The following AZIN1 variants were observed in gnomAD, a reference collection of about 807,000 sequenced individuals.
AZIN1 encodes the protein antizyme inhibitor 1.
A neutral mutation model predicts 47.4 loss-of-function variants in AZIN1; 12 were observed. The ratio of observed to expected loss-of-function variants is 0.25; its 90% CI spans 0.16 to 0.41. The LOEUF (loss-of-function observed/expected upper bound fraction) is 0.41. Ranked by LOEUF, AZIN1 falls within the 10% of genes least tolerant of loss-of-function variation. AZIN1 has a pLI of 1.00. For synonymous variants in AZIN1, 155 were observed against 176.3 expected, an observed-to-expected ratio of 0.88 and a Z score of 0.96; for missense variants, 410 against 532.4, an observed-to-expected ratio of 0.77 and a Z score of 2.26.
chr8:102,843,984 A>G lies in AZIN1; in HGVS notation c.-95-237T>C, dbSNP rs181381657. On this transcript the variant is annotated intron_variant, in intron 2 of 11. Transcript: ENST00000337198. ...AAGGGGTAACTCACATATATACACA[A>G]TGTATTACAAGCCTATATGGTCACC... Among the ~76,000 whole-genome samples the G allele has an allele frequency of 3.6e-3, 555 of 152,332 alleles. 4 individuals carry two copies. Among genetic ancestry groups the G allele is most frequent in the Non-Finnish European group, 6.4e-3 (438 of 68,022 alleles).
At chr8:102,832,859 C>G (rs1811550497) in intron 9 of AZIN1, among the ~76,000 whole-genome samples, 197 bp downstream of exon 9, 1 of 152,072 alleles carries the variant, frequency 6.6e-6, no homozygotes, top group South Asian at 2.1e-4. Context: ...CCAGGCTGGT[C>G]TCGAACTCCT....
intron 9 of AZIN1, among the ~76,000 whole-genome samples, chr8:102,831,381 T>TTTG (rs1349387390): frequency 6.6e-6 from 1 of 151,720 alleles, no homozygotes; most frequent in Non-Finnish European, 1.5e-5. Flanking sequence ...AAACAGGTAG[T>TTTG]TTACAGAGTC....
At chr8:102,863,433 C>T (rs1813880742) in intron 1 of AZIN1, among the ~76,000 whole-genome samples, 1 of 151,794 alleles carries the variant, frequency 6.6e-6, no homozygotes, top group Non-Finnish European at 1.5e-5. Context: ...GGCCCCCTCC[C>T]CGGAAACAGC....
intron 6 of AZIN1, 78 bp downstream of exon 6, chr8:102,836,178 G>T: frequency 7.0e-7 from 1 of 1,432,316 alleles, no homozygotes; most frequent in Non-Finnish European, 9.6e-7. Context: ...TGCAAATAAA[G>T]TCTTAAATCA....
intron 2 of AZIN1, among the ~76,000 whole-genome samples, chr8:102,851,534 T>C (rs1368317878): frequency 6.6e-6 from 1 of 152,042 alleles, no homozygotes; most frequent in East Asian, 1.9e-4. Context: ...GGTGAAACCC[T>C]GTCTCTACTA....
intron 6 of AZIN1, chr8:102,835,197 A>G (rs1811742152): frequency 6.3e-6 from 1 of 158,114 alleles, no homozygotes; most frequent in African/African-American, 2.4e-5. Flanking sequence ...AAGCTGAGTA[A>G]CAGCATTACT....
intron 2 of AZIN1, among the ~76,000 whole-genome samples, chr8:102,845,734 A>T (rs1397867830): frequency 7.2e-5 from 11 of 152,308 alleles, no homozygotes; most frequent in Admixed American, 5.9e-4. Context: ...TTGGCATAGC[A>T]GCCAGTTTTC....
chr8:102,848,097 A>G (rs1432508103), intron 2 of AZIN1, among the ~76,000 whole-genome samples: 1 of 152,186 alleles, frequency 6.6e-6, no homozygotes, highest in Non-Finnish European at 1.5e-5. Context: ...AGTATTCAGT[A>G]CAGTAACTCG....
chr8:102,834,935 G>A, intron 6 of AZIN1, 188 bp from the exon 7 acceptor site: 8 of 516,948 alleles, frequency 1.5e-5, no homozygotes, highest in South Asian at 2.9e-5. Context: ...TTATAGAAAA[G>A]GCAATGCCAA....
intron 5 of AZIN1, 35 bp downstream of exon 5, chr8:102,838,708 TA>T: frequency 6.4e-7 from 1 of 1,563,036 alleles, no homozygotes; most frequent in Non-Finnish European, 8.7e-7. Context: ...CTCTAAGTGC[TA>T]AATAATATTT....
chr8:102,857,908 TA>T (rs1320739642), intron 2 of AZIN1, 104 bp downstream of exon 2: 1 of 397,144 alleles, frequency 2.5e-6, no homozygotes, highest in Non-Finnish European at 4.4e-6. Context: ...CACTGCACTT[TA>T]AGAGGTAAAT....
In AZIN1 at chr8:102,834,680, C is replaced by A. The variant is rs1409667686; in HGVS notation, c.652G>T (p.Val218Leu). The A allele has an allele frequency of 6.2e-7, 1 of 1,607,918 alleles. No individual in the cohort carries two copies. ...AAAGAACTTACAGCCATGTCAAACA[C>A]ACATCGAGCATCAGATAGAGCATGT... ...YVHALSDARC[V>L]FDMAGEIGFT... Residue 218 changes from valine to leucine, a missense_variant, in exon 7 of 12, where the codon GTG becomes TTG. Physicochemically the swap from Val to Leu is conservative, Grantham distance 32 (BLOSUM62 1). This residue lies in a region of AZIN1 where 237 missense variants were observed against 309.4 expected (regional missense o/e 0.77). Coordinates refer to ENST00000337198, the MANE Select transcript of AZIN1 (RefSeq NM_148174.4).
intron 11 of AZIN1, 50 bp from the exon 12 acceptor site, chr8:102,828,728 C>G: frequency 8.8e-7 from 1 of 1,140,876 alleles, no homozygotes; most frequent in Non-Finnish European, 1.3e-6. Context: ...CCAAAGACCA[C>G]GTAATCACAT....
At chr8:102,848,825 A>G (rs1812746429) in intron 2 of AZIN1, among the ~76,000 whole-genome samples, 1 of 152,242 alleles carries the variant, frequency 6.6e-6, no homozygotes, top group African/African-American at 2.4e-5. Context: ...GCCTTACTGA[A>G]AGCACTAAGA....
rs888889851 is a variant in AZIN1 at position 102,842,599 on chromosome 8, TG to T, written c.102+951del. 1.4e-3 allele frequency among the ~76,000 whole-genome samples: 203 copies of T among 149,184 alleles called. 1 individual carries two copies. Among genetic ancestry groups the T allele is most frequent in the African/African-American group, 4.2e-3 (170 of 40,200 alleles). On this transcript the variant is annotated intron_variant, in intron 3 of 11. Coordinates refer to ENST00000337198, the MANE Select transcript of AZIN1 (RefSeq NM_148174.4). ...GCGGGCGCCTGTAATCCCAGCTACT[TG>T]GGAGGCTGAGGCAGGAGAATCGCTT... is the stretch of plus-strand genomic sequence containing the variant.
chr8:102,854,594 C>G (rs1311841661), intron 2 of AZIN1: 1 of 112,836 alleles, frequency 8.9e-6, no homozygotes, highest in Admixed American at 9.3e-5. Flanking sequence ...GAGACTCTGT[C>G]AAAAAAAAAA....
rs1400477006 is a variant in AZIN1 at position 102,829,338 on chromosome 8, T to C, written c.1169A>G (p.His390Arg). Reference protein sequence around the residue: ...IFDNMGADSFHEPSAFNDFQR... With the variant: ...IFDNMGADSFREPSAFNDFQR... The stretch of plus-strand genomic sequence containing the variant: ...AAAATCATTAAAAGCAGATGGTTCA[T>C]GGAAAGAATCTGCTCCCATGTTATC... Residue 390 changes from histidine to arginine, a missense_variant, in exon 11 of 12, where the codon CAT becomes CGT. By Grantham distance (29) the His-to-Arg change is conservative (BLOSUM62 0). Transcript: ENST00000337198. The C allele has an allele frequency of 6.2e-7, 1 of 1,614,004 alleles. No individual in the cohort carries two copies.
At chr8:102,850,847 A>G (rs1011305151) in intron 2 of AZIN1, among the ~76,000 whole-genome samples, 8 of 152,212 alleles carry the variant, frequency 5.3e-5, no homozygotes, top group African/African-American at 1.9e-4. Flanking sequence ...AAGAACAAGA[A>G]TGAATAGGAA....
chr8:102,856,369 T>C (rs934857158), intron 2 of AZIN1, among the ~76,000 whole-genome samples: 1 of 152,200 alleles, frequency 6.6e-6, no homozygotes, highest in African/African-American at 2.4e-5. Flanking sequence ...ATAAATTATC[T>C]TTAGCTTCTA....
Sources: allele counts gnomAD v4.1 joint callset (sites outside exome capture counted in the v4.1 genomes callset), GRCh38; gene constraint gnomAD v4.1.1; regional missense constraint gnomAD v4.1.1; transcripts MANE v1.5; gene names NCBI Gene and HGNC (gene_info 2026-07-23, HGNC 2026-07-21).